RBM5: variants seen among roughly 807,000 people sequenced by gnomAD.
RBM5 encodes the protein RNA-binding protein 5.
In RBM5, 15 loss-of-function variants were observed where a neutral mutation model predicts 124.6. That is an observed-to-expected ratio of 0.12 (90% CI 0.08 to 0.19). The LOEUF (loss-of-function observed/expected upper bound fraction) is 0.19. Among genes scored for constraint, RBM5 ranks in the 10% least tolerant of loss-of-function variants. The pLI is 1.00. For missense variants in RBM5, 580 were observed against 1,026.5 expected, an observed-to-expected ratio of 0.57 and a Z score of 5.94; for synonymous variants, 337 against 361.2, an observed-to-expected ratio of 0.93 and a Z score of 0.76.
chr3:50,110,828 A>G (rs1009692079), intron 17 of RBM5, 58 bp downstream of exon 17: 2 of 1,343,244 alleles, frequency 1.5e-6, no homozygotes, highest in Admixed American at 2.0e-5. Flanking sequence ...TAGTGCATTT[A>G]TGAGGCATAA....
intron 12 of RBM5, 93 bp downstream of exon 12, chr3:50,107,662 C>CTTTTTTT: frequency 5.8e-6 from 1 of 171,154 alleles, no homozygotes; most frequent in Non-Finnish European, 1.1e-5. Context: ...AGTATGAGCT[C>CTTTTTTT]TTTTCTTTTC....
rs527431239 is a variant in RBM5, at chr3:50,117,626, A to G, written c.2322+247A>G. On this transcript the variant is annotated intron_variant, in intron 24 of 24. Transcript: ENST00000347869. This position sits in a 1 kb window ranked among gnomAD's most constrained non-coding sequence, Gnocchi z 4.2. ...TGAAACCCCGTCTCTACTAAAATAC[A>G]AAATATTAACTGGACGTGGCAGCGT... The G allele has an allele frequency of 2.5e-6, 1 of 400,968 alleles. No individual in the cohort carries two copies. The highest frequency in any genetic ancestry group is 4.4e-5 in the East Asian group (1 of 22,546). The allele number at this position is 400,968 out of a possible 1,614,324, so 24.8% of individuals were successfully genotyped here.
intron 4 of RBM5, among the ~76,000 whole-genome samples, chr3:50,098,568 A>G (rs1178414821): frequency 3.3e-5 from 5 of 151,830 alleles, no homozygotes; most frequent in Non-Finnish European, 5.9e-5. Context: ...TCAGCCTCCC[A>G]AGTAGCTAGG....
Position 50,114,074 on chromosome 3 carries a change from C to T in RBM5, c.1742C>T (p.Ala581Val). The T allele has an allele frequency of 6.2e-7, 1 of 1,614,202 alleles. No homozygotes were observed. The highest frequency in any genetic ancestry group is 8.5e-7 in the Non-Finnish European group (1 of 1,180,042). The change falls in exon 19 of 25, where the codon GCT (alanine) becomes GTT (valine). Residue 581 changes from alanine to valine, a missense_variant. By Grantham distance (64) the Ala-to-Val change is moderately conservative. Around this residue, in one of 6 missense-constraint regions of RBM5, gnomAD observed 234 missense variants for 435.1 expected, o/e 0.54. Transcript: ENST00000347869. The part of the protein sequence containing the change: ...EERRESAAAD[A>V]GFALFEKKGA... ...AGGAGAGAATCTGCTGCAGCAGACG[C>T]TGGCTTTGCTCTCTTTGAGAAGAAG...
chr3:50,097,198 ATCCTGGCTAGCACGGTGAAACCCTGTC>A, intron 4 of RBM5, among the ~76,000 whole-genome samples: 1 of 152,200 alleles, frequency 6.6e-6, no homozygotes, highest in Middle Eastern at 3.4e-3. Context: ...GATCGAGACC[ATCCTGGCTAGCACGGTGAAACCCTGTC>A]TCTACTAAAA....
At chr3:50,105,777 G>C (rs1559687918) in intron 10 of RBM5, 68 bp downstream of exon 10, 2 of 1,536,506 alleles carry the variant, frequency 1.3e-6, no homozygotes, top group Non-Finnish European at 1.8e-6. Context: ...GGTTCATCCA[G>C]TTTTGAAACT....
chr3:50,107,660 C>CTTT, intron 12 of RBM5, 91 bp downstream of exon 12: 1 of 345,082 alleles, frequency 2.9e-6, no homozygotes, highest in Non-Finnish European at 5.5e-6. Flanking sequence ...GCAGTATGAG[C>CTTT]TCTTTTCTTT....
At chr3:50,104,751 T>C in intron 8 of RBM5, 2 of 302,682 alleles carry the variant, frequency 6.6e-6, no homozygotes, top group East Asian at 5.7e-5. Flanking sequence ...TTTAAATCTT[T>C]TCCCTTAGGT....
chr3:50,116,677 G>A (rs1332157607), intron 22 of RBM5: 1 of 269,108 alleles, frequency 3.7e-6, no homozygotes, highest in Admixed American at 5.0e-5. Flanking sequence ...GTCTCTGGAA[G>A]CCTCCTTGAT....
At chr3:50,102,258 T>G (rs1425871134) in intron 6 of RBM5, 1 of 152,030 alleles carries the variant, frequency 6.6e-6, no homozygotes, top group Non-Finnish European at 1.5e-5. Flanking sequence ...GCTAGATTGA[T>G]TCAGCTCAGA....
In RBM5 at chr3:50,118,730, G is replaced by A. The variant is rs933227592; in HGVS notation, c.*274G>A. 11 of 433,182 alleles carry A rather than the reference G, an allele frequency of 2.5e-5. No individual in the cohort carries two copies. The highest frequency in any genetic ancestry group is 1.6e-4 in the East Asian group (4 of 24,562). 26.8% of individuals were successfully genotyped at this position (433,182 alleles called of 1,614,324 possible). On this transcript the variant is annotated 3_prime_UTR_variant, in exon 25 of 25. Transcript: ENST00000347869. ...TCCAGTGTACATAGTGTAATGTAGC[G>A]TGTTTACATGTGTAGCCTATGTTGT... is the stretch of plus-strand genomic sequence containing the variant.
chr3:50,109,764 C>G (rs1176906903), intron 15 of RBM5, 76 bp downstream of exon 15: 7 of 1,182,708 alleles, frequency 5.9e-6, no homozygotes, highest in Non-Finnish European at 8.9e-6. Flanking sequence ...ATTACCCTTT[C>G]CTGTTGTATG....
chr3:50,092,329 A>G (rs2090718491), intron 3 of RBM5, 121 bp downstream of exon 3: 2 of 1,082,552 alleles, frequency 1.8e-6, no homozygotes, highest in Non-Finnish European at 2.6e-6. Context: ...TGGGAGGCCA[A>G]GGCGGCCAGA....
rs1429687267 is a variant in RBM5, at chr3:50,106,401, C to T, written c.856-366C>T. ...CCTCCCAAAGTGCTGGGATTACAGG[C>T]GTGAGCCACCGCGCCCAGCCACGCC... On this transcript the variant is annotated intron_variant, in intron 10 of 24. Transcript: ENST00000347869. Among the ~76,000 whole-genome samples, 5 of 151,788 alleles carry T rather than the reference C, an allele frequency of 3.3e-5. 1 individual carries two copies. The highest frequency in any genetic ancestry group is 9.7e-5 in the African/African-American group (4 of 41,314).
chr3:50,105,520 T>G (rs1293274016), intron 9 of RBM5, 29 bp from the exon 10 acceptor site: 10 of 1,605,170 alleles, frequency 6.2e-6, no homozygotes, highest in African/African-American at 1.3e-5. Context: ...GGAATGCATG[T>G]GTATGTCATT....
In RBM5 at chr3:50,118,585, C is replaced by T. The variant is rs1265578348; in HGVS notation, c.*129C>T. On this transcript the variant is annotated 3_prime_UTR_variant, in exon 25 of 25. Coordinates refer to ENST00000347869, the MANE Select transcript of RBM5 (RefSeq NM_005778.4). ...AGATCTTAGGGTGAACCACTTCATT[C>T]TGCAGGGTTCTCCCTCCCACCTTAA... 7 of 1,352,394 alleles carry T rather than the reference C, an allele frequency of 5.2e-6. No individual in the cohort carries two copies. The Middle Eastern group carries it at 1.3e-3, about 249-fold the overall frequency. 83.8% of individuals were successfully genotyped at this position (1,352,394 alleles called of 1,614,324 possible).
intron 3 of RBM5, among the ~76,000 whole-genome samples, chr3:50,093,454 A>G (rs1201945341): frequency 2.0e-5 from 3 of 149,358 alleles, no homozygotes. Context: ...AAAAAAAAAA[A>G]AGAAAACACA....
At chr3:50,110,588 C>T (rs1315898852) in intron 16 of RBM5, 91 bp from the exon 17 acceptor site, 1 of 1,434,654 alleles carries the variant, frequency 7.0e-7, no homozygotes, top group South Asian at 1.2e-5. Flanking sequence ...AGAGAAGAAA[C>T]ATTAGGCCTG....
chr3:50,093,707 T>A lies in RBM5; in HGVS notation c.184-13T>A, dbSNP rs17225749. On this transcript the variant is annotated splice_polypyrimidine_tract_variant and intron_variant, in intron 3 of 24. Coordinates refer to ENST00000347869, the MANE Select transcript of RBM5 (RefSeq NM_005778.4). ...GGGTGATGTTAATTGTGATTTTGTT[T>A]ATTGTAACTCAGAGAGAGCGTGAAA... The A allele has an allele frequency of 0.11, 178,013 of 1,608,102 alleles. 11,091 individuals are homozygous for A. Among genetic ancestry groups the A allele is most frequent in the Non-Finnish European group, 0.13 (150,643 of 1,175,160 alleles).
Sources: allele counts gnomAD v4.1 joint callset (sites outside exome capture counted in the v4.1 genomes callset), GRCh38; gene constraint gnomAD v4.1.1; regional missense constraint gnomAD v4.1.1; non-coding constraint Gnocchi (gnomAD v3.1); transcripts MANE v1.5; gene names NCBI Gene and HGNC (gene_info 2026-07-23, HGNC 2026-07-21).